Variants in AFF3 observed in about 807,000 individuals in gnomAD.
The protein encoded by AFF3 is ALF transcription elongation factor 3, also known as AF4/FMR2 family member 3.
A neutral mutation model predicts 129.7 loss-of-function variants in AFF3; 32 were observed. The observed-to-expected ratio is 0.25, with a 90% confidence interval of 0.19 to 0.33. The LOEUF (loss-of-function observed/expected upper bound fraction) is 0.33, where lower values mean the gene tolerates loss of function less well. Ranked by LOEUF, AFF3 falls within the 10% of genes least tolerant of loss-of-function variation. AFF3 has a pLI of 1.00. For missense variants in AFF3, 1,373 were observed against 1,592.0 expected (o/e 0.86, Z 2.34); for synonymous variants, 644 against 635.4 (o/e 1.01, Z -0.20).
intron 16 of AFF3, among the ~76,000 whole-genome samples, chr2:99,583,980 G>A (rs1483680914): frequency 1.3e-5 from 2 of 152,032 alleles, no homozygotes; most frequent in East Asian, 1.9e-4. Flanking sequence ...TGGGATTACA[G>A]GCGTGAGCTA....
chr2:100,125,784 G>GAC (rs149833065), intron 2 of AFF3, among the ~76,000 whole-genome samples: 7,527 of 152,158 alleles, frequency 0.049, 517 homozygotes, highest in African/African-American at 0.16. Context: ...ATAGTGTGGA[G>GAC]ACTCCAAGTG....
chr2:100,011,267 C>T (rs979508122), intron 4 of AFF3, among the ~76,000 whole-genome samples: 5 of 152,136 alleles, frequency 3.3e-5, no homozygotes, highest in Admixed American at 3.3e-4. Flanking sequence ...AAGCGAGACT[C>T]CCTCTCAAAA....
chr2:99,914,972 C>T (rs898211777), intron 7 of AFF3, among the ~76,000 whole-genome samples: 1 of 151,966 alleles, frequency 6.6e-6, no homozygotes, highest in Non-Finnish European at 1.5e-5. Flanking sequence ...CTGCAACTTA[C>T]TCTCTGTAGA....
chr2:99,910,170 A>T (rs549351676), intron 7 of AFF3, among the ~76,000 whole-genome samples: 1 of 152,326 alleles, frequency 6.6e-6, no homozygotes, highest in Non-Finnish European at 1.5e-5. Flanking sequence ...CTAAATATTA[A>T]TTCTATTAAA....
chr2:99,869,856 T>C (rs1691737519), intron 7 of AFF3, among the ~76,000 whole-genome samples: 2 of 152,182 alleles, frequency 1.3e-5, no homozygotes, highest in East Asian at 1.9e-4. Flanking sequence ...TGGGAGCGAT[T>C]TTCATGCTGT....
At chr2:100,039,284 C>T (rs189832644) in intron 4 of AFF3, among the ~76,000 whole-genome samples, 2 of 152,280 alleles carry the variant, frequency 1.3e-5, no homozygotes, top group Non-Finnish European at 2.9e-5. Context: ...TTGGGCAGCG[C>T]ACAGTGGCTC....
intron 20 of AFF3, among the ~76,000 whole-genome samples, chr2:99,562,467 A>C (rs1675560830): frequency 6.6e-6 from 1 of 152,222 alleles, no homozygotes; most frequent in Non-Finnish European, 1.5e-5. Flanking sequence ...TATATTATCA[A>C]ATTCTACAGT....
chr2:99,653,736 G>T (rs966447393), intron 12 of AFF3, among the ~76,000 whole-genome samples: 3 of 152,096 alleles, frequency 2.0e-5, no homozygotes, highest in African/African-American at 7.2e-5. Context: ...GGTCCTTCTG[G>T]GCCGAGAGAC....
At chr2:99,813,699 C>T (rs546421792) in intron 8 of AFF3, among the ~76,000 whole-genome samples, 123 of 152,346 alleles carry the variant, frequency 8.1e-4, no homozygotes, top group Non-Finnish European at 1.3e-3. Context: ...TTAGAGCCTT[C>T]TCTGTATCTA....
chr2:100,043,382 A>C (rs1352631672), intron 4 of AFF3, among the ~76,000 whole-genome samples: 1 of 152,180 alleles, frequency 6.6e-6, no homozygotes, highest in African/African-American at 2.4e-5. Flanking sequence ...TCTGACAGCA[A>C]AACTGTGTTA....
In AFF3 at chr2:99,551,488, C is replaced by T. The variant is rs138104794; in HGVS notation, c.3667G>A (p.Ala1223Thr). The change falls in exon 25 of 25, where the codon GCC becomes ACC. Residue 1223 changes from alanine (A) to threonine (T), a missense_variant. Coordinates refer to ENST00000672756, the MANE Select transcript of AFF3 (RefSeq NM_001386135.1). ...QQGLHWLRNS[A>T]HLS ...GGGTGAGGTCCCTATGACAGGTGGG[C>T]GCTGTTCCGCAGCCAGTGCAGGCCC... 1.0e-4 allele frequency: 164 copies of T among 1,614,054 alleles called. No homozygotes were observed. Among genetic ancestry groups the T allele is most frequent in the African/African-American group, 3.7e-4 (28 of 75,040 alleles).
chr2:100,106,884 G>T (rs1423740370), intron 2 of AFF3: 1 of 985,374 alleles, frequency 1.0e-6, no homozygotes, highest in Admixed American at 6.1e-5. Context: ...AAGAGGGAAG[G>T]CCCTGGGATG....
rs369348217 is a variant in AFF3, at chr2:100,022,996, C to T, written c.54-14064G>A. On this transcript the variant is annotated intron_variant, in intron 4 of 24. Coordinates refer to ENST00000672756, the MANE Select transcript of AFF3 (RefSeq NM_001386135.1). Reference sequence around the variant, plus strand: ...AACTCAACATCAATTAGTCCTCTGCCGAGTTAGCAGGCCTCCATTCTGTGG... The same window carrying T: ...AACTCAACATCAATTAGTCCTCTGCTGAGTTAGCAGGCCTCCATTCTGTGG... 1.2e-4 allele frequency among the ~76,000 whole-genome samples: 19 copies of T among 152,310 alleles called. No individual in the cohort carries two copies. In the South Asian group the frequency reaches 2.1e-3, roughly 17 times the overall value.
chr2:99,723,524 G>T (rs946760260), intron 11 of AFF3, among the ~76,000 whole-genome samples: 8 of 152,152 alleles, frequency 5.3e-5, no homozygotes, highest in African/African-American at 1.4e-4. Context: ...CTTTCCCAGT[G>T]CCCCATGCTT....
chr2:99,741,856 T>C (rs549651538), intron 10 of AFF3, among the ~76,000 whole-genome samples: 69 of 152,184 alleles, frequency 4.5e-4, no homozygotes, highest in Admixed American at 1.1e-3. Context: ...AGCATGGTAC[T>C]GGTACCAAAA....
chr2:99,555,845 C>T (rs867161236), intron 22 of AFF3, among the ~76,000 whole-genome samples: 32 of 152,154 alleles, frequency 2.1e-4, no homozygotes, highest in African/African-American at 7.5e-4. Context: ...TGAGGTGCTA[C>T]AATGGCAAGA....
intron 11 of AFF3, among the ~76,000 whole-genome samples, chr2:99,710,402 G>A (rs748234975): frequency 3.9e-5 from 6 of 152,062 alleles, no homozygotes; most frequent in Admixed American, 1.3e-4. Flanking sequence ...GATTACAGGC[G>A]TGCGCTACCA....
chr2:99,594,164 C>G lies in AFF3; in HGVS notation c.1497G>C (p.Pro499=). 1.2e-6 allele frequency: 2 copies of G among 1,614,114 alleles called. No homozygotes were observed. The highest frequency in any genetic ancestry group is 8.5e-7 in the Non-Finnish European group (1 of 1,180,000). Residue 499 remains proline, a synonymous_variant, in exon 15 of 25, where the codon CCG becomes CCC. Coordinates refer to ENST00000672756, the MANE Select transcript of AFF3 (RefSeq NM_001386135.1). ...CACAGTCCTGGACGTCCTCTTTCAC[C>G]GGGTTGTAGTACTGATTGCTCTCTG... is the stretch of plus-strand genomic sequence containing the variant. ...HGSESNQYYN[P]VKEDVQDCGK...
chr2:99,790,790 C>T (rs953849565), intron 8 of AFF3, among the ~76,000 whole-genome samples: 9 of 152,130 alleles, frequency 5.9e-5, no homozygotes, highest in South Asian at 2.1e-4. Context: ...GATAAATGTA[C>T]GGTGATTGTA....
Sources: gnomAD v4.1 joint callset for allele counts (sites outside exome capture counted in the v4.1 genomes callset) on GRCh38, gnomAD v4.1.1 for gene constraint, MANE v1.5 for transcripts, NCBI Gene and HGNC (gene_info 2026-07-23, HGNC 2026-07-21) for gene names.